Variants in CTDSPL2 observed in about 807,000 individuals in gnomAD.
The protein encoded by CTDSPL2 is CTD small phosphatase-like protein 2.
A neutral mutation model predicts 60.0 loss-of-function variants in CTDSPL2; 5 were observed. The ratio of observed to expected loss-of-function variants is 0.08; its 90% confidence interval spans 0.04 to 0.18. The LOEUF (loss-of-function observed/expected upper bound fraction) is 0.18, where lower values mean the gene tolerates loss of function less well. CTDSPL2 is among the 10% of genes least tolerant of loss of function. CTDSPL2 has a pLI of 1.00. For missense variants in CTDSPL2, 370 were observed against 548.8 expected, an observed-to-expected ratio of 0.67 and a Z score of 3.26; for synonymous variants, 186 against 189.3, an observed-to-expected ratio of 0.98 and a Z score of 0.14.
chr15:44,432,272 A>G (rs1317926596), intron 1 of CTDSPL2, among the ~76,000 whole-genome samples: 2 of 151,528 alleles, frequency 1.3e-5, no homozygotes, highest in South Asian at 4.2e-4. Flanking sequence ...ACTAGGGACT[A>G]TGTATTTTGT....
intron 3 of CTDSPL2, among the ~76,000 whole-genome samples, chr15:44,484,904 A>G (rs538391526): frequency 1.1e-4 from 16 of 152,370 alleles, no homozygotes; most frequent in Admixed American, 3.3e-4. Context: ...ATAAAAATGT[A>G]TGTGGATCAA....
intron 1 of CTDSPL2, among the ~76,000 whole-genome samples, chr15:44,438,991 TC>T (rs771929241): frequency 1.3e-5 from 2 of 152,230 alleles, no homozygotes; most frequent in Non-Finnish European, 2.9e-5. Flanking sequence ...TATACTTTTT[TC>T]TTCCAATGTC....
At chr15:44,459,734 A>G (rs985148588) in intron 2 of CTDSPL2, among the ~76,000 whole-genome samples, 2 of 152,192 alleles carry the variant, frequency 1.3e-5, no homozygotes, top group African/African-American at 4.8e-5. Flanking sequence ...GGGAAGCAAA[A>G]TAAATTTTTC....
At chr15:44,507,794 T>C (rs914556465) in intron 8 of CTDSPL2, among the ~76,000 whole-genome samples, 6 of 152,234 alleles carry the variant, frequency 3.9e-5, no homozygotes, top group African/African-American at 1.4e-4. Flanking sequence ...TCACTCCAGC[T>C]CTTCTTGTGA....
At chr15:44,458,375 G>T (rs1361517868) in intron 1 of CTDSPL2, among the ~76,000 whole-genome samples, 1 of 151,950 alleles carries the variant, frequency 6.6e-6, no homozygotes, top group Non-Finnish European at 1.5e-5. Flanking sequence ...CAAATAAATA[G>T]CCTCATATTT....
Position 44,527,149 on chromosome 15 carries a change from C to G in CTDSPL2, c.*2975C>G, listed in dbSNP as rs1026064808. 6.6e-6 allele frequency: 1 copy of G among 152,524 alleles called. No individual in the cohort carries two copies. Among genetic ancestry groups the G allele is most frequent in the African/African-American group, 2.4e-5 (1 of 41,438 alleles). The allele number at this position is 152,524 out of a possible 1,614,324, so 9.4% of individuals were successfully genotyped here. A position where few individuals can be genotyped will look rare whatever the true frequency, so the allele number is the denominator to read the frequency against. On this transcript the variant is annotated 3_prime_UTR_variant, in exon 13 of 13. Transcript: ENST00000260327. ...ATTTATTTTTACCCAATGGCTTTATCTGTTTCCCAAAATTTGTTTGGGATT... is the reference window on the plus strand; with the variant it reads ...ATTTATTTTTACCCAATGGCTTTATGTGTTTCCCAAAATTTGTTTGGGATT...
intron 2 of CTDSPL2, among the ~76,000 whole-genome samples, chr15:44,482,575 A>G (rs1344934514): frequency 3.9e-5 from 6 of 152,150 alleles, no homozygotes; most frequent in African/African-American, 1.2e-4. Context: ...GTATTTTTTG[A>G]TAATGAAGAT....
intron 11 of CTDSPL2, chr15:44,520,470 G>C (rs2081746475): frequency 6.6e-6 from 1 of 152,048 alleles, no homozygotes; most frequent in Non-Finnish European, 1.5e-5. Flanking sequence ...GGATTTCTTA[G>C]ATTTGCTTCA....
rs910477099 is a variant in CTDSPL2 at position 44,476,258 on chromosome 15, T to C, written c.187-7966T>C. ...AATTTTTTGTATTTTTTAGTAGAGA[T>C]GGGGTTTCACTGTTAGCCAGGATGG... On this transcript the variant is annotated intron_variant, in intron 2 of 12. Coordinates refer to ENST00000260327, the MANE Select transcript of CTDSPL2 (RefSeq NM_016396.3). Among the ~76,000 whole-genome samples the C allele has an allele frequency of 5.9e-5, 9 of 152,044 alleles. No individual in the cohort carries two copies. The South Asian group carries it at 8.3e-4, about 14-fold the overall frequency.
At chr15:44,514,560 A>G in intron 8 of CTDSPL2, 38 bp from the exon 9 acceptor site, 1 of 1,210,012 alleles carries the variant, frequency 8.3e-7, no homozygotes, top group Non-Finnish European at 1.2e-6. Context: ...TTCCCATTGT[A>G]TGTTTATTTG....
At chr15:44,462,829 C>T (rs146610005) in intron 2 of CTDSPL2, among the ~76,000 whole-genome samples, 1 of 150,834 alleles carries the variant, frequency 6.6e-6, no homozygotes, top group Non-Finnish European at 1.5e-5. Flanking sequence ...CCTCAGCATC[C>T]CAAGTAGCTG....
intron 7 of CTDSPL2, among the ~76,000 whole-genome samples, chr15:44,499,506 A>G (rs1238171935): frequency 1.3e-5 from 2 of 152,144 alleles, no homozygotes; most frequent in African/African-American, 2.4e-5. Context: ...CTAGTTCTCA[A>G]ATGATGTTTA....
At chr15:44,492,453 G>A (rs1391889968) in intron 5 of CTDSPL2, among the ~76,000 whole-genome samples, 1 of 152,196 alleles carries the variant, frequency 6.6e-6, no homozygotes, top group Non-Finnish European at 1.5e-5. Flanking sequence ...GGGTTTATCA[G>A]GGTGTTAAAT....
At position 44,474,517 on chromosome 15, in the gene CTDSPL2, T is replaced by C. The variant is rs149683161; in HGVS notation, c.187-9707T>C. ...TTGTTTTAAAAAAGAAGAAAGAACT[T>C]TCTTGAGAGGAACTGGCTCTCCCAA... is the stretch of plus-strand genomic sequence containing the variant. On this transcript the variant is annotated intron_variant, in intron 2 of 12. Coordinates refer to ENST00000260327, the MANE Select transcript of CTDSPL2 (RefSeq NM_016396.3). 1.5e-3 allele frequency among the ~76,000 whole-genome samples: 233 copies of C among 151,828 alleles called. 1 individual carries two copies. Among genetic ancestry groups the C allele is most frequent in the African/African-American group, 5.2e-3 (214 of 41,402 alleles).
In CTDSPL2 at chr15:44,455,218, CTCTG is replaced by C. The variant is rs935719717; in HGVS notation, c.-24-3767_-24-3764del. On this transcript the variant is annotated intron_variant, in intron 1 of 12. Coordinates refer to ENST00000260327, the MANE Select transcript of CTDSPL2 (RefSeq NM_016396.3). The stretch of plus-strand genomic sequence containing the variant: ...ATGGGAATTCACTCATGATTTGGCT[CTCTG>C]TCTGTTATTGGTGTATAAGAAAGCT... Among the ~76,000 whole-genome samples, 341 of 152,198 alleles carry C rather than the reference CTCTG, an allele frequency of 2.2e-3. 1 individual carries two copies. Among genetic ancestry groups the C allele is most frequent in the African/African-American group, 7.9e-3 (328 of 41,556 alleles).
Position 44,521,405 on chromosome 15 carries a change from T to G in CTDSPL2, c.1334T>G (p.Leu445Arg). 1 of 1,513,186 alleles carries G rather than the reference T, an allele frequency of 6.6e-7. No homozygotes were observed. The highest frequency in any genetic ancestry group is 9.1e-7 in the Non-Finnish European group (1 of 1,099,416). 93.7% of individuals were successfully genotyped at this position (1,513,186 alleles called of 1,614,324 possible). A position where few individuals can be genotyped will look rare whatever the true frequency, so the allele number is the denominator to read the frequency against. The change falls in exon 12 of 13, where the codon CTG (leucine) becomes CGG (arginine). Residue 445 changes from leucine (L) to arginine (R), a missense_variant and splice_region_variant. By Grantham distance (102) the Leu-to-Arg change is moderately radical. Around this residue, in one of 6 missense-constraint regions of CTDSPL2, gnomAD observed 46 missense variants for 126.0 expected, o/e 0.37. Transcript: ENST00000260327. ...LIPFLEKLVE[L>R]NEDVRPHIRD... ...CCATTCCTGGAGAAGCTTGTAGAACTGGTAAGTGTAGCTTATCTTTTTCTG... is the reference window on the plus strand; with the variant it reads ...CCATTCCTGGAGAAGCTTGTAGAACGGGTAAGTGTAGCTTATCTTTTTCTG...
intron 4 of CTDSPL2, among the ~76,000 whole-genome samples, chr15:44,486,903 G>A (rs1211462771): frequency 6.6e-6 from 1 of 151,772 alleles, no homozygotes; most frequent in African/African-American, 2.4e-5. Context: ...AGGTGGGACT[G>A]TAGGTACCTG....
chr15:44,469,215 G>A (rs2080756716), intron 2 of CTDSPL2, among the ~76,000 whole-genome samples: 1 of 152,190 alleles, frequency 6.6e-6, no homozygotes, highest in Non-Finnish European at 1.5e-5. Context: ...TTTGAAAGGT[G>A]TCACGTGAGC....
In CTDSPL2 at chr15:44,486,714, G is replaced by A. The variant is rs755432292; in HGVS notation, c.475+14G>A. 3.6e-6 allele frequency: 5 copies of A among 1,408,132 alleles called. No individual in the cohort carries two copies. Among genetic ancestry groups the A allele is most frequent in the Non-Finnish European group, 4.8e-6 (5 of 1,051,640 alleles). The allele number at this position is 1,408,132 out of a possible 1,614,324, so 87.2% of individuals were successfully genotyped here. On this transcript the variant is annotated intron_variant, in intron 4 of 12. Coordinates refer to ENST00000260327, the MANE Select transcript of CTDSPL2 (RefSeq NM_016396.3). ...CAAATAAAAATGGTAAGTATAAACT[G>A]TTAACTGTGATTTGGATTTTTTTTA...
Sources: gnomAD v4.1 joint callset for allele counts (sites outside exome capture counted in the v4.1 genomes callset) on GRCh38, gnomAD v4.1.1 for gene constraint, gnomAD v4.1.1 regional missense constraint, MANE v1.5 for transcripts, NCBI Gene and HGNC (gene_info 2026-07-23, HGNC 2026-07-21) for gene names.